Variants in SLC41A3 observed in about 807,000 individuals in gnomAD.
SLC41A3 encodes SLC41A1-like 2.
In SLC41A3, 44 loss-of-function variants were observed where a neutral mutation model predicts 45.4. The ratio of observed to expected loss-of-function variants is 0.97; its 90% CI spans 0.76 to 1.25. The LOEUF is 1.25. Ranked by LOEUF, SLC41A3 falls within the 50% of genes most tolerant of loss-of-function variation. The pLI is 0.00. For synonymous variants in SLC41A3, 256 were observed against 252.4 expected, an observed-to-expected ratio of 1.01 and a Z score of -0.13; for missense variants, 550 against 600.6, an observed-to-expected ratio of 0.92 and a Z score of 0.88.
Position 126,079,747 on chromosome 3 carries a change from T to C in SLC41A3, c.-28+4346A>G, listed in dbSNP as rs561826641. ...AGAAAAAACAATTCTAAAATTTATA[T>C]GTAACTACAATAGACCCCAAATAGC... On this transcript the variant is annotated intron_variant, in intron 1 of 10. Transcript: ENST00000360370. 2.6e-5 allele frequency among the ~76,000 whole-genome samples: 4 copies of C among 152,372 alleles called. No homozygotes were observed. In the East Asian group the frequency reaches 7.7e-4, roughly 29 times the overall value.
At chr3:126,015,270 G>A (rs1251516953) in intron 8 of SLC41A3, among the ~76,000 whole-genome samples, 1 of 152,228 alleles carries the variant, frequency 6.6e-6, no homozygotes, top group Non-Finnish European at 1.5e-5. Context: ...GAGGAGCCGG[G>A]TCTGAGCTGC....
At chr3:126,081,010 G>T (rs1302178299) in intron 1 of SLC41A3, among the ~76,000 whole-genome samples, 3 of 151,926 alleles carry the variant, frequency 2.0e-5, no homozygotes, top group African/African-American at 7.3e-5. Flanking sequence ...CCCACTAATG[G>T]GTACATATCC....
At chr3:126,012,465 A>T in intron 9 of SLC41A3, 150 bp downstream of exon 9, 1 of 904,024 alleles carries the variant, frequency 1.1e-6, no homozygotes, top group Non-Finnish European at 1.7e-6. Context: ...AGGGCCGGGG[A>T]GTCTCATTTC....
chr3:126,010,798 G>A (rs887702019), intron 9 of SLC41A3, among the ~76,000 whole-genome samples: 2 of 152,208 alleles, frequency 1.3e-5, no homozygotes, highest in Admixed American at 6.5e-5. Context: ...GAGGCCTAGT[G>A]AGGAACCTAG....
intron 3 of SLC41A3, among the ~76,000 whole-genome samples, chr3:126,048,209 A>T (rs184403614): frequency 6.6e-6 from 1 of 152,258 alleles, no homozygotes; most frequent in East Asian, 1.9e-4. Context: ...TACAACATTG[A>T]CTTTTGCCAT....
intron 1 of SLC41A3, among the ~76,000 whole-genome samples, chr3:126,072,372 T>A (rs59893658): frequency 0.11 from 13,665 of 125,144 alleles, 1,057 homozygotes; most frequent in African/African-American, 0.24. Flanking sequence ...TAAAAAAAAA[T>A]AAAAAAAAAA....
At chr3:126,069,709 CG>C (rs1944528343) in intron 1 of SLC41A3, among the ~76,000 whole-genome samples, 1 of 151,534 alleles carries the variant, frequency 6.6e-6, no homozygotes, top group Admixed American at 6.6e-5. Context: ...GAAACCGTAC[CG>C]GAAGAAGCAA....
chr3:126,097,925 C>T (rs1006823677), intron 1 of SLC41A3, among the ~76,000 whole-genome samples: 11 of 152,138 alleles, frequency 7.2e-5, no homozygotes, highest in Non-Finnish European at 2.9e-5. Flanking sequence ...CTAGTTCATG[C>T]CCCTCTGTCT....
At chr3:126,048,221 CA>C (rs1943093493) in intron 3 of SLC41A3, among the ~76,000 whole-genome samples, 1 of 152,156 alleles carries the variant, frequency 6.6e-6, no homozygotes, top group Non-Finnish European at 1.5e-5. Context: ...TTTTGCCATT[CA>C]GGAACTTCTC....
At chr3:126,032,959 CT>C (rs1941914745) in intron 4 of SLC41A3, among the ~76,000 whole-genome samples, 1 of 152,190 alleles carries the variant, frequency 6.6e-6, no homozygotes, top group African/African-American at 2.4e-5. Context: ...CTCCTCTTGC[CT>C]CTGAGCCAAT....
chr3:126,067,920 C>T, intron 2 of SLC41A3, 27 bp downstream of exon 2: 3 of 1,560,064 alleles, frequency 1.9e-6, no homozygotes, highest in Non-Finnish European at 1.7e-6. Flanking sequence ...GTGCCCCGCT[C>T]CCTGTCCCCA....
At chr3:126,084,217 T>A (rs1327195041), upstream of SLC41A3, 1 of 151,764 alleles carries the variant, frequency 6.6e-6, no homozygotes, top group Non-Finnish European at 1.5e-5. Context: ...CGGCCGGACC[T>A]CGGACGACTT....
chr3:126,032,997 G>T (rs1307515233), intron 4 of SLC41A3, among the ~76,000 whole-genome samples: 1 of 152,110 alleles, frequency 6.6e-6, no homozygotes, highest in Non-Finnish European at 1.5e-5. Flanking sequence ...CCTGCCTTGG[G>T]CCTCCTAACT....
intron 6 of SLC41A3, among the ~76,000 whole-genome samples, chr3:126,019,409 C>A (rs1940632175): frequency 6.6e-6 from 1 of 152,208 alleles, no homozygotes; most frequent in Non-Finnish European, 1.5e-5. Flanking sequence ...CGAACCACAG[C>A]ATTCCACCCA....
intron 2 of SLC41A3, chr3:126,056,357 C>T (rs892693218): frequency 6.2e-7 from 1 of 1,613,846 alleles, no homozygotes; most frequent in Non-Finnish European, 8.5e-7. Context: ...CCAGTACGCA[C>T]TTGAATGGTG....
intron 2 of SLC41A3, among the ~76,000 whole-genome samples, chr3:126,059,291 A>AAAGAGAGAGAAAG (rs1943907822): frequency 8.2e-6 from 1 of 121,214 alleles, no homozygotes; most frequent in African/African-American, 3.2e-5. Flanking sequence ...AGAAAGAAAG[A>AAAGAGAGAGAAAG]AAGAAAGAAA....
intron 1 of SLC41A3, among the ~76,000 whole-genome samples, chr3:126,074,238 T>C (rs1944768080): frequency 6.6e-6 from 1 of 151,638 alleles, no homozygotes; most frequent in Admixed American, 6.5e-5. Flanking sequence ...CAAGAATTCT[T>C]ACCACAGACA....
chr3:126,056,717 C>A, intron 2 of SLC41A3: 1 of 1,436,730 alleles, frequency 7.0e-7, no homozygotes, highest in Non-Finnish European at 9.1e-7. Context: ...CCCAACAGCC[C>A]CTCGGCTGAG....
chr3:126,008,807 G>A lies in SLC41A3; in HGVS notation c.1179C>T (p.Ile393=), dbSNP rs754969851. The A allele has an allele frequency of 3.7e-6, 6 of 1,614,070 alleles. No homozygotes were observed. In the South Asian group the frequency reaches 4.4e-5, roughly 12 times the overall value. The change falls in exon 10 of 11, where the codon ATC becomes ATT. Residue 393 remains isoleucine, a synonymous_variant. Transcript: ENST00000360370. ...TGACTGACTGACCCTCCACCAGGTA[G>A]ATGATGTAGAAGAAAATCAGATGGC... is the stretch of plus-strand genomic sequence containing the variant. The part of the protein sequence containing the change: ...VPGHLIFFYI[I]YLVEGQSVIN...
Sources: gnomAD v4.1 joint callset for allele counts (sites outside exome capture counted in the v4.1 genomes callset) on GRCh38, gnomAD v4.1.1 for gene constraint, MANE v1.5 for transcripts, NCBI Gene and HGNC (gene_info 2026-07-23, HGNC 2026-07-21) for gene names.